The following KLF6 variants were observed in gnomAD, a reference collection of about 807,000 sequenced individuals.
KLF6 encodes KLF transcription factor 6.
For missense variants in KLF6, 233 were observed against 359.8 expected (o/e 0.65, Z 2.85); for synonymous variants, 152 against 147.9 (o/e 1.03, Z -0.20).
At chr10:3,784,753 A>G (rs2131102456) in intron 1 of KLF6, among the ~76,000 whole-genome samples, 160 bp downstream of exon 1, 1 of 152,262 alleles carries the variant, frequency 6.6e-6, no homozygotes, top group South Asian at 2.1e-4. Context: ...CGCTGATCGC[A>G]GCCTGGAGGA....
Position 3,781,900 on chromosome 10 carries a change from T to G in KLF6, c.417A>C (p.Lys139Asn). 1 of 1,614,204 alleles carries G rather than the reference T, an allele frequency of 6.2e-7. No homozygotes were observed. The highest frequency in any genetic ancestry group is 8.5e-7 in the Non-Finnish European group (1 of 1,180,040). ...PIGEVLVSSGKLSSSVTSTPP... is the reference protein window; with the variant it reads ...PIGEVLVSSGNLSSSVTSTPP... Reference sequence around the variant, plus strand: ...GCGTGGAGGTGACAGAGGAGCTCAATTTTCCCGAGCTGACCAAAACTTCGC... The same window carrying G: ...GCGTGGAGGTGACAGAGGAGCTCAAGTTTCCCGAGCTGACCAAAACTTCGC... Residue 139 changes from lysine (K) to asparagine (N), a missense_variant, in exon 2 of 4, where the codon AAA becomes AAC. Transcript: ENST00000497571. This position sits in a 1 kb window ranked among gnomAD's most constrained non-coding sequence, Gnocchi z 5.8.
chr10:3,776,932 C>CTTTTTTT lies in KLF6; in HGVS notation c.*2600_*2606dup, dbSNP rs751886217. On this transcript the variant is annotated 3_prime_UTR_variant, in exon 4 of 4. Coordinates refer to ENST00000497571, the MANE Select transcript of KLF6 (RefSeq NM_001300.6). ...AAGCCAGTGCAAGTTTTTTTTTTTC[C>CTTTTTTT]TTTTTTTTTTTTTGTCTTTTGCTTA... The CTTTTTTT allele has an allele frequency of 4.8e-6, 2 of 417,608 alleles. No individual in the cohort carries two copies. The highest frequency in any genetic ancestry group is 9.2e-6 in the Non-Finnish European group (2 of 217,034). 25.9% of individuals were successfully genotyped at this position (417,608 alleles called of 1,614,324 possible).
chr10:3,778,897 T>A lies in KLF6; in HGVS notation c.*642A>T. ...GCTACTTGACACATTGCACATTTAA[T>A]AGCTGCACCAGACACTAAGAGTTCC... On this transcript the variant is annotated 3_prime_UTR_variant, in exon 4 of 4. Coordinates refer to ENST00000497571, the MANE Select transcript of KLF6 (RefSeq NM_001300.6). 3.7e-6 allele frequency: 2 copies of A among 534,558 alleles called. No homozygotes were observed. The highest frequency in any genetic ancestry group is 7.2e-6 in the Non-Finnish European group (2 of 276,480). 33.1% of individuals were successfully genotyped at this position (534,558 alleles called of 1,614,324 possible).
chr10:3,777,995 A>T lies in KLF6; in HGVS notation c.*1544T>A. 2.0e-6 allele frequency: 1 copy of T among 504,994 alleles called. No homozygotes were observed. The highest frequency in any genetic ancestry group is 3.9e-6 in the Non-Finnish European group (1 of 257,794). 31.3% of individuals were successfully genotyped at this position (504,994 alleles called of 1,614,324 possible). ...TAAATACAGCCGGTGTGTGATCTAT[A>T]CAATTGTTGTGCAAGGTCTATATGA... On this transcript the variant is annotated 3_prime_UTR_variant, in exon 4 of 4. Transcript: ENST00000497571.
In KLF6 at chr10:3,780,319, G is replaced by A; in HGVS notation, c.677-90C>T. On this transcript the variant is annotated intron_variant, in intron 2 of 3. Transcript: ENST00000497571. The surrounding 1 kb of genome is among the most constrained non-coding windows in gnomAD (Gnocchi z 4.6). ...TCAACAACACACACAGTGGTGGGAT[G>A]CAAGGCCAGGGACCCAGTGGCTTCT... 1.3e-6 allele frequency: 2 copies of A among 1,527,394 alleles called. No homozygotes were observed. Among genetic ancestry groups the A allele is most frequent in the East Asian group, 2.2e-5 (1 of 44,506 alleles). 94.6% of individuals were successfully genotyped at this position (1,527,394 alleles called of 1,614,324 possible).
In KLF6 at chr10:3,776,492, A is replaced by C. The variant is rs1478402047; in HGVS notation, c.*3047T>G. On this transcript the variant is annotated 3_prime_UTR_variant, in exon 4 of 4. Coordinates refer to ENST00000497571, the MANE Select transcript of KLF6 (RefSeq NM_001300.6). ...CCCCCAGGAGGAAGCCAGGGTGATG[A>C]ATGCAGGAGGAATCTGTTCCAACAA... 1.7e-5 allele frequency: 9 copies of C among 530,676 alleles called. No homozygotes were observed. The highest frequency in any genetic ancestry group is 3.3e-5 in the Non-Finnish European group (9 of 274,084). The allele number at this position is 530,676 out of a possible 1,614,324, so 32.9% of individuals were successfully genotyped here.
At chr10:3,783,360 A>G (rs1156594382) in intron 1 of KLF6, 1 of 152,216 alleles carries the variant, frequency 6.6e-6, no homozygotes, top group Non-Finnish European at 1.5e-5. Context: ...AGCTGCCTGC[A>G]TGTCCATATA....
chr10:3,780,192 C>T lies in KLF6; in HGVS notation c.714G>A (p.Glu238=), dbSNP rs1365062080. The T allele has an allele frequency of 6.2e-7, 1 of 1,614,094 alleles. No individual in the cohort carries two copies. The highest frequency in any genetic ancestry group is 1.3e-5 in the African/African-American group (1 of 74,944). Residue 238 remains glutamate (E), a synonymous_variant, in exon 3 of 4, where the codon GAG becomes GAA. Coordinates refer to ENST00000497571, the MANE Select transcript of KLF6 (RefSeq NM_001300.6). This position sits in a 1 kb window ranked among gnomAD's most constrained non-coding sequence, Gnocchi z 4.6. The part of the protein sequence containing the change: ...KPYRCSWEGC[E]WRFARSDELT... ...ACTCATCACTTCTTGCAAAACGCCA[C>T]TCACACCCTTCCCATGAGCATCTGT...
Position 3,785,196 on chromosome 10 carries a change from A to C in KLF6, c.-182T>G. The C allele has an allele frequency of 1.1e-5, 14 of 1,244,352 alleles. No individual in the cohort carries two copies. The highest frequency in any genetic ancestry group is 1.5e-5 in the Non-Finnish European group (13 of 886,876). The allele number at this position is 1,244,352 out of a possible 1,614,324, so 77.1% of individuals were successfully genotyped here. On this transcript the variant is annotated 5_prime_UTR_variant, in exon 1 of 4. Transcript: ENST00000497571. ...CGGAGCCCACACAATATTTGCAAAC[A>C]CCGGACTGACTGCAAACGTAACCCC...
Position 3,780,216 on chromosome 10 carries a change from G to A in KLF6, c.690C>T (p.Tyr230=), listed in dbSNP as rs375754648. 3.1e-6 allele frequency: 5 copies of A among 1,613,948 alleles called. No individual in the cohort carries two copies. The highest frequency in any genetic ancestry group is 1.6e-4 in the Middle Eastern group (1 of 6,084). ...HQRTHTGEKP[Y]RCSWEGCEWR... is the part of the protein sequence containing the mutation. ...ACTCACACCCTTCCCATGAGCATCTGTAAGGCTTTTCTCCTGGGGAGAGAG... is the reference window on the plus strand; with the variant it reads ...ACTCACACCCTTCCCATGAGCATCTATAAGGCTTTTCTCCTGGGGAGAGAG... Residue 230 remains tyrosine (Y), a synonymous_variant, in exon 3 of 4, where the codon TAC becomes TAT. Coordinates refer to ENST00000497571, the MANE Select transcript of KLF6 (RefSeq NM_001300.6). The surrounding 1 kb of genome is among the most constrained non-coding windows in gnomAD (Gnocchi z 4.6).
chr10:3,780,270 G>T lies in KLF6; in HGVS notation c.677-41C>A. ...AGGACAAGCAGCCCATGACTTCACT[G>T]ACCCGCAGACGGAAAGGGGAAATTC... On this transcript the variant is annotated intron_variant, in intron 2 of 3. Transcript: ENST00000497571. The surrounding 1 kb of genome is among the most constrained non-coding windows in gnomAD (Gnocchi z 4.6). The T allele has an allele frequency of 6.2e-7, 1 of 1,610,538 alleles. No individual in the cohort carries two copies. The highest frequency in any genetic ancestry group is 1.7e-4 in the Middle Eastern group (1 of 6,060).
chr10:3,782,265 T>TA lies in KLF6; in HGVS notation c.103-52dup. The TA allele has an allele frequency of 1.3e-6, 2 of 1,507,350 alleles. No individual in the cohort carries two copies. Among genetic ancestry groups the TA allele is most frequent in the Non-Finnish European group, 1.8e-6 (2 of 1,096,650 alleles). 93.4% of individuals were successfully genotyped at this position (1,507,350 alleles called of 1,614,324 possible). A position where few individuals can be genotyped will look rare whatever the true frequency, so the allele number is the denominator to read the frequency against. The stretch of plus-strand genomic sequence containing the variant: ...ACGTGATTGCCATGACGACCAAAAG[T>TA]AAAAGCAAAAGCAATTTCCAAAAAC... On this transcript the variant is annotated intron_variant, in intron 1 of 3. Transcript: ENST00000497571. This position sits in a 1 kb window ranked among gnomAD's most constrained non-coding sequence, Gnocchi z 4.3.
chr10:3,781,861 C>T lies in KLF6; in HGVS notation c.456G>A (p.Pro152=), dbSNP rs765661539. The T allele has an allele frequency of 1.1e-5, 17 of 1,614,210 alleles. No individual in the cohort carries two copies. Among genetic ancestry groups the T allele is most frequent in the East Asian group, 2.2e-5 (1 of 44,888 alleles). ...SSVTSTPPSS[P]ELSREPSQLW... is the part of the protein sequence containing the mutation. ...GTTGAGAAGGTTCCCTGCTCAGTTC[C>T]GGAGAAGATGGAGGCGTGGAGGTGA... The change falls in exon 2 of 4, where the codon CCG becomes CCA. Residue 152 remains proline, a synonymous_variant. Coordinates refer to ENST00000497571, the MANE Select transcript of KLF6 (RefSeq NM_001300.6). The surrounding 1 kb of genome is among the most constrained non-coding windows in gnomAD (Gnocchi z 5.8).
At position 3,778,388 on chromosome 10, in the gene KLF6, T is replaced by TTC. The variant is rs748054172; in HGVS notation, c.*1149_*1150dup. On this transcript the variant is annotated 3_prime_UTR_variant, in exon 4 of 4. Transcript: ENST00000497571. ...AAACATAGCTGCATGAGAAAACAGT[T>TTC]TCTAAGCGTTAGTGGTTTTATCCAC... 2 of 524,758 alleles carry TTC rather than the reference T, an allele frequency of 3.8e-6. No individual in the cohort carries two copies. Among genetic ancestry groups the TTC allele is most frequent in the Middle Eastern group, 1.1e-3 (2 of 1,868 alleles). 32.5% of individuals were successfully genotyped at this position (524,758 alleles called of 1,614,324 possible).
rs1176015624 is a variant in KLF6, at chr10:3,779,226, T to C, written c.*313A>G. On this transcript the variant is annotated 3_prime_UTR_variant, in exon 4 of 4. Transcript: ENST00000497571. ...GTTGGCCTCATCATACGGTCAGTAA[T>C]AGATCCTCAACATACAATCAACCCA... 3.5e-6 allele frequency: 2 copies of C among 575,584 alleles called. No individual in the cohort carries two copies. The highest frequency in any genetic ancestry group is 3.6e-5 in the African/African-American group (2 of 55,052). 35.7% of individuals were successfully genotyped at this position (575,584 alleles called of 1,614,324 possible). A position where few individuals can be genotyped will look rare whatever the true frequency, so the allele number is the denominator to read the frequency against.
Position 3,781,612 on chromosome 10 carries a change from C to A in KLF6, c.676+29G>T. On this transcript the variant is annotated intron_variant, in intron 2 of 3. Transcript: ENST00000497571. The surrounding 1 kb of genome is among the most constrained non-coding windows in gnomAD (Gnocchi z 5.8). ...CAATGCAGTGGCGCCCACCAGCGGCCGCCCTCCGGGGCCCGCGTGGGCACT... is the reference window on the plus strand; with the variant it reads ...CAATGCAGTGGCGCCCACCAGCGGCAGCCCTCCGGGGCCCGCGTGGGCACT... 2 of 1,609,352 alleles carry A rather than the reference C, an allele frequency of 1.2e-6. No homozygotes were observed. The highest frequency in any genetic ancestry group is 2.2e-5 in the East Asian group (1 of 44,718).
In KLF6 at chr10:3,778,070, C is replaced by T. The variant is rs1224383425; in HGVS notation, c.*1469G>A. On this transcript the variant is annotated 3_prime_UTR_variant, in exon 4 of 4. Transcript: ENST00000497571. ...CAGATTTTTCCATTTTCCTGTTTTCCATTTTAACACTGACAGTCAAGTTGC... is the reference window on the plus strand; with the variant it reads ...CAGATTTTTCCATTTTCCTGTTTTCTATTTTAACACTGACAGTCAAGTTGC... 42 of 514,164 alleles carry T rather than the reference C, an allele frequency of 8.2e-5. No individual in the cohort carries two copies. In the East Asian group the frequency reaches 1.6e-3, roughly 19 times the overall value. The allele number at this position is 514,164 out of a possible 1,614,324, so 31.9% of individuals were successfully genotyped here.
Position 3,785,032 on chromosome 10 carries a change from G to A in KLF6, c.-18C>T, listed in dbSNP as rs1443508142. The A allele has an allele frequency of 1.6e-5, 25 of 1,610,880 alleles. No homozygotes were observed. The highest frequency in any genetic ancestry group is 2.2e-5 in the East Asian group (1 of 44,802). ...ACGTCCATGTCGGGCCGGGTTGGAC[G>A]GAGCCCGCGGTCGCGAGGGCGGCGA... On this transcript the variant is annotated 5_prime_UTR_variant, in exon 1 of 4. Transcript: ENST00000497571.
In KLF6 at chr10:3,776,305, C is replaced by T. The variant is rs2129439; in HGVS notation, c.*3234G>A. ...CATGGTTCCCTACTGTGCCCACAGC[C>T]GGGGGGTTGTTTTTGTCAGTCCTTG... On this transcript the variant is annotated 3_prime_UTR_variant, in exon 4 of 4. Coordinates refer to ENST00000497571, the MANE Select transcript of KLF6 (RefSeq NM_001300.6). 113,233 of 532,584 alleles carry T rather than the reference C, an allele frequency of 0.21. 12,571 individuals carry two copies. The highest frequency in any genetic ancestry group is 0.26 in the Admixed American group (11,791 of 44,948). The allele number at this position is 532,584 out of a possible 1,614,324, so 33.0% of individuals were successfully genotyped here.
Sources: gnomAD v4.1 joint callset for allele counts (sites outside exome capture counted in the v4.1 genomes callset) on GRCh38, gnomAD v4.1.1 for gene constraint, Gnocchi (gnomAD v3.1) non-coding constraint, MANE v1.5 for transcripts, NCBI Gene and HGNC (gene_info 2026-07-23, HGNC 2026-07-21) for gene names.